Variants in DCC observed in about 807,000 individuals in gnomAD.
DCC encodes the protein DCC netrin 1 receptor.
In DCC, 58 loss-of-function variants were observed where a neutral mutation model predicts 172.5. The ratio of observed to expected loss-of-function variants is 0.34; its 90% CI spans 0.27 to 0.42. The LOEUF is 0.42. Ranked by LOEUF, DCC falls within the 10% of genes least tolerant of loss-of-function variation. The pLI, the probability that DCC is intolerant of heterozygous loss-of-function variation, is 1.00. For missense variants in DCC, 1,740 were observed against 1,791.0 expected, an observed-to-expected ratio of 0.97 and a Z score of 0.51; for synonymous variants, 709 against 644.5, an observed-to-expected ratio of 1.10 and a Z score of -1.52.
intron 2 of DCC, among the ~76,000 whole-genome samples, chr18:52,760,994 T>C (rs1200225122): frequency 1.3e-5 from 2 of 152,254 alleles, no homozygotes; most frequent in Non-Finnish European, 2.9e-5. Context: ...ATTTATAATC[T>C]ATATCTGCAT....
At chr18:52,864,306 G>T (rs979626887) in intron 2 of DCC, among the ~76,000 whole-genome samples, 1 of 152,022 alleles carries the variant, frequency 6.6e-6, no homozygotes, top group Non-Finnish European at 1.5e-5. Flanking sequence ...AAGAAGTCTG[G>T]GTGTGTTAGA....
intron 5 of DCC, among the ~76,000 whole-genome samples, chr18:53,060,162 C>A (rs757923909): frequency 6.6e-6 from 1 of 151,028 alleles, no homozygotes; most frequent in Non-Finnish European, 1.5e-5. Context: ...TGCCACCACA[C>A]CTGGCTTATT....
In DCC at chr18:53,406,721, G is replaced by GAA. The variant is rs1568112100; in HGVS notation, c.2936-3729_2936-3728dup. Among the ~76,000 whole-genome samples, 41 of 130,438 alleles carry GAA rather than the reference G, an allele frequency of 3.1e-4. 1 individual carries two copies. Among genetic ancestry groups the GAA allele is most frequent in the Non-Finnish European group, 5.8e-4 (36 of 61,846 alleles). The allele number at this position is 130,438 out of a possible 152,430, so 85.6% of individuals were successfully genotyped here. A position where few individuals can be genotyped will look rare whatever the true frequency, so the allele number is the denominator to read the frequency against. ...TCTGTCTCAAAAAAAAAAAAAGAAA[G>GAA]AAAGAAAAAAGAAAAAAAGTACAGG... On this transcript the variant is annotated intron_variant, in intron 19 of 28. Coordinates refer to ENST00000442544, the MANE Select transcript of DCC (RefSeq NM_005215.4).
rs191634962 is a variant in DCC, at chr18:53,470,363, C to T, written c.3736+2353C>T. Among the ~76,000 whole-genome samples, 6 of 152,240 alleles carry T rather than the reference C, an allele frequency of 3.9e-5. No individual in the cohort carries two copies. In the East Asian group the frequency reaches 1.2e-3, roughly 30 times the overall value. ...CTGGACTTCATTGTCCATATCACTA[C>T]AAGCATTTTGGTCAAAACTGTTCAT... On this transcript the variant is annotated intron_variant, in intron 25 of 28. Transcript: ENST00000442544.
At chr18:53,292,000 A>C (rs2057010068) in intron 12 of DCC, among the ~76,000 whole-genome samples, 1 of 152,142 alleles carries the variant, frequency 6.6e-6, no homozygotes, top group Admixed American at 6.5e-5. Flanking sequence ...ATGCATAGAA[A>C]ATTATCAGAT....
In DCC at chr18:53,094,324, A is replaced by G. The variant is rs1193388688; in HGVS notation, c.1261+28158A>G. On this transcript the variant is annotated intron_variant, in intron 7 of 28. Transcript: ENST00000442544. ...CTTTGTAATGAAATATGTACTATCT[A>G]TTTTTCTCATTCCTCTTCTGAAGGA... 4.6e-5 allele frequency among the ~76,000 whole-genome samples: 7 copies of G among 152,292 alleles called. No homozygotes were observed. The South Asian group carries it at 1.0e-3, about 23-fold the overall frequency.
intron 1 of DCC, among the ~76,000 whole-genome samples, chr18:52,655,459 T>C (rs568151017): frequency 6.6e-6 from 1 of 152,278 alleles, no homozygotes; most frequent in African/African-American, 2.4e-5. Context: ...CTTGGACAAA[T>C]GGACAAATAG....
intron 1 of DCC, among the ~76,000 whole-genome samples, chr18:52,475,934 A>G (rs938384904): frequency 6.6e-6 from 1 of 152,220 alleles, no homozygotes; most frequent in South Asian, 2.1e-4. Context: ...TGCTTTGAAG[A>G]AAATCTTTTG....
At chr18:52,907,207 T>G (rs1400277763) in intron 3 of DCC, among the ~76,000 whole-genome samples, 1 of 139,180 alleles carries the variant, frequency 7.2e-6, no homozygotes, top group Non-Finnish European at 1.6e-5. Flanking sequence ...ATACCCTATA[T>G]ACATGATATA....
intron 5 of DCC, among the ~76,000 whole-genome samples, chr18:52,954,741 A>G (rs1029724076): frequency 1.3e-5 from 2 of 152,212 alleles, no homozygotes; most frequent in African/African-American, 4.8e-5. Context: ...AATGGAGCAA[A>G]TGGAGTTGAT....
At chr18:52,367,476 A>G (rs1280676403) in intron 1 of DCC, among the ~76,000 whole-genome samples, 1 of 152,206 alleles carries the variant, frequency 6.6e-6, no homozygotes, top group African/African-American at 2.4e-5. Flanking sequence ...CACTAATTAC[A>G]TAATAATGGG....
intron 25 of DCC, among the ~76,000 whole-genome samples, chr18:53,475,775 G>T (rs1186646857): frequency 6.6e-6 from 1 of 152,216 alleles, no homozygotes; most frequent in Non-Finnish European, 1.5e-5. Flanking sequence ...ATCTAGTGGA[G>T]CTGTGAGAAG....
chr18:53,306,544 T>C (rs1011431888), intron 13 of DCC, among the ~76,000 whole-genome samples: 1 of 152,212 alleles, frequency 6.6e-6, no homozygotes, highest in Non-Finnish European at 1.5e-5. Flanking sequence ...AGAAGCCACA[T>C]GAACTATCTC....
At chr18:53,254,130 T>C (rs148987685) in intron 12 of DCC, among the ~76,000 whole-genome samples, 2 of 152,168 alleles carry the variant, frequency 1.3e-5, no homozygotes, top group East Asian at 3.9e-4. Context: ...TTAATGTGTG[T>C]GGGGACAACC....
At chr18:52,839,422 C>T (rs752146213) in intron 2 of DCC, among the ~76,000 whole-genome samples, 4 of 152,068 alleles carry the variant, frequency 2.6e-5, no homozygotes, top group Non-Finnish European at 5.9e-5. Context: ...ACATCTTTGT[C>T]TCCAGTACTA....
intron 1 of DCC, among the ~76,000 whole-genome samples, chr18:52,580,979 G>T (rs1401888148): frequency 6.6e-6 from 1 of 152,104 alleles, no homozygotes; most frequent in Non-Finnish European, 1.5e-5. Context: ...AATGTGTTCA[G>T]TTCTGAAGCT....
intron 22 of DCC, among the ~76,000 whole-genome samples, chr18:53,442,236 G>T (rs1912321053): frequency 6.6e-6 from 1 of 152,164 alleles, no homozygotes; most frequent in African/African-American, 2.4e-5. Context: ...TTGAAAGCTT[G>T]TGCTAACCCT....
chr18:52,842,942 G>A (rs990690798), intron 2 of DCC, among the ~76,000 whole-genome samples: 11 of 152,116 alleles, frequency 7.2e-5, no homozygotes, highest in Middle Eastern at 3.2e-3. Context: ...AAGCAAGTTC[G>A]GAGAAATCGA....
At chr18:52,485,503 C>T (rs1325604026) in intron 1 of DCC, among the ~76,000 whole-genome samples, 38 of 152,074 alleles carry the variant, frequency 2.5e-4, no homozygotes, top group Non-Finnish European at 2.6e-4. Context: ...TTTAGTCTAG[C>T]AGATAAATTG....
Sources: allele counts gnomAD v4.1 joint callset (sites outside exome capture counted in the v4.1 genomes callset), GRCh38; gene constraint gnomAD v4.1.1; transcripts MANE v1.5; gene names NCBI Gene and HGNC (gene_info 2026-07-23, HGNC 2026-07-21).